Variants in CFAP100 observed in about 807,000 individuals in gnomAD.
The protein encoded by CFAP100 is cilia- and flagella-associated protein 100.
In CFAP100, 70 loss-of-function variants were observed where a neutral mutation model predicts 81.5. That is an observed-to-expected ratio of 0.86 (90% CI 0.71 to 1.05). The LOEUF (loss-of-function observed/expected upper bound fraction) is 1.05, where lower values mean the gene tolerates loss of function less well. Ranked by LOEUF, CFAP100 falls within the 50% of genes least tolerant of loss-of-function variation. The pLI, the probability that CFAP100 is intolerant of heterozygous loss-of-function variation, is 0.00. For synonymous variants in CFAP100, 341 were observed against 314.8 expected (o/e 1.08, Z -0.88); for missense variants, 811 against 776.5 (o/e 1.04, Z -0.53).
intron 1 of CFAP100, chr3:126,395,444 T>A (rs1381794396): frequency 1.3e-5 from 2 of 152,318 alleles, no homozygotes; most frequent in Admixed American, 1.3e-4. Context: ...GTCAGGAGCT[T>A]GGATGAGCAG....
At chr3:126,408,340 A>G (rs936156934) in intron 3 of CFAP100, among the ~76,000 whole-genome samples, 16 of 152,328 alleles carry the variant, frequency 1.1e-4, no homozygotes, top group African/African-American at 3.8e-4. Context: ...ACCCATGGTC[A>G]GACTGGCCCA....
Position 126,435,670 on chromosome 3 carries a change from G to A in CFAP100, c.1722+18G>A. 2.5e-6 allele frequency: 4 copies of A among 1,602,516 alleles called. No individual in the cohort carries two copies. The highest frequency in any genetic ancestry group is 3.4e-6 in the Non-Finnish European group (4 of 1,171,932). ...AGAAGAAGGTAGGCAGGGTCGCCTT[G>A]GGGGGTCTCTGCTGGAGGGGGTCCC... On this transcript the variant is annotated intron_variant, in intron 16 of 16. Coordinates refer to ENST00000352312, the MANE Select transcript of CFAP100 (RefSeq NM_182628.3).
Position 126,418,352 on chromosome 3 carries a change from C to T in CFAP100, c.419-106C>T, listed in dbSNP as rs1202216325. ...GTCCCGGTAGTCACCTGGGCGTGGA[C>T]GCAAAGCAGTGGCCAGCAGCCGGTG... On this transcript the variant is annotated intron_variant, in intron 5 of 16. Transcript: ENST00000352312. The T allele has an allele frequency of 2.0e-5, 19 of 960,844 alleles. 1 individual carries two copies. In the South Asian group the frequency reaches 2.0e-4, roughly 10 times the overall value. 59.5% of individuals were successfully genotyped at this position (960,844 alleles called of 1,614,324 possible). A position where few individuals can be genotyped will look rare whatever the true frequency, so the allele number is the denominator to read the frequency against.
chr3:126,414,097 A>AC lies in CFAP100; in HGVS notation c.146dup (p.Ser50PhefsTer23). Reference sequence around the variant, plus strand: ...TCTCCCTTTCCAGAACATGGTCCTGACCCTTCAGCGAACCCTTTCCACTTA... The same window carrying AC: ...TCTCCCTTTCCAGAACATGGTCCTGACCCCTTCAGCGAACCCTTTCCACTTA... On this transcript the variant is annotated frameshift_variant, in exon 4 of 17. Transcript: ENST00000352312. LOFTEE classifies it high-confidence loss of function. The AC allele has an allele frequency of 6.2e-7, 1 of 1,613,522 alleles. No homozygotes were observed. Among genetic ancestry groups the AC allele is most frequent in the African/African-American group, 1.3e-5 (1 of 74,934 alleles).
intron 14 of CFAP100, 84 bp downstream of exon 14, chr3:126,433,288 G>A: frequency 3.3e-6 from 5 of 1,518,012 alleles, no homozygotes; most frequent in East Asian, 4.5e-5. Flanking sequence ...ACAGCCCTTG[G>A]GAAGATGGAG....
At chr3:126,422,813 C>G (rs866793086) in intron 11 of CFAP100, among the ~76,000 whole-genome samples, 55 of 152,302 alleles carry the variant, frequency 3.6e-4, no homozygotes, top group African/African-American at 1.2e-3. Context: ...AAAGGTGGCA[C>G]TCAGTAAACA....
chr3:126,423,544 G>A lies in CFAP100; in HGVS notation c.1186G>A (p.Glu396Lys). 1.2e-6 allele frequency: 2 copies of A among 1,614,184 alleles called. No individual in the cohort carries two copies. The highest frequency in any genetic ancestry group is 2.2e-5 in the South Asian group (2 of 91,080). Reference protein sequence around the residue: ...EPQQLLDVFRELEEQNLSLIQ... With the variant: ...EPQQLLDVFRKLEEQNLSLIQ... The stretch of plus-strand genomic sequence containing the variant: ...CCAGCAGCTCCTGGATGTCTTCCGA[G>A]AGCTGGAGGAGCAGAACCTGTCGCT... The change falls in exon 13 of 17, where the codon GAG becomes AAG. Residue 396 changes from glutamate to lysine, a missense_variant. Physicochemically the swap from Glu to Lys is moderately conservative, Grantham distance 56. Transcript: ENST00000352312.
At chr3:126,418,358 G>C in intron 5 of CFAP100, 100 bp from the exon 6 acceptor site, 1 of 1,030,154 alleles carries the variant, frequency 9.7e-7, no homozygotes. Flanking sequence ...TGGACGCAAA[G>C]CAGTGGCCAG....
intron 13 of CFAP100, among the ~76,000 whole-genome samples, chr3:126,427,331 A>G (rs1932993831): frequency 6.6e-6 from 1 of 152,230 alleles, no homozygotes; most frequent in Non-Finnish European, 1.5e-5. Context: ...TAGAATAGAG[A>G]GCCTAGCAAT....
Position 126,419,795 on chromosome 3 carries a change from T to A in CFAP100, c.890T>A (p.Val297Asp), listed in dbSNP as rs781393676. The A allele has an allele frequency of 5.6e-6, 9 of 1,613,802 alleles. No individual in the cohort carries two copies. Among genetic ancestry groups the A allele is most frequent in the Non-Finnish European group, 7.6e-6 (9 of 1,180,052 alleles). Residue 297 changes from valine (V) to aspartate (D), a missense_variant, in exon 9 of 17, where the codon GTT becomes GAT. Physicochemically the swap from Val to Asp is radical, Grantham distance 152. Transcript: ENST00000352312. Reference protein sequence around the residue: ...EVSEASKESSVNSTPGDKGPG... With the variant: ...EVSEASKESSDNSTPGDKGPG... ...TCCGAGGCTTCCAAAGAGAGCAGTG[T>A]TAACTCCACACCAGGGGACAAAGGT... is the stretch of plus-strand genomic sequence containing the variant.
At chr3:126,435,528 C>T (rs1177367281) in intron 15 of CFAP100, 31 bp from the exon 16 acceptor site, 1 of 1,590,054 alleles carries the variant, frequency 6.3e-7, no homozygotes. Context: ...CCAGGTCCCC[C>T]CAGTTTTCAA....
At chr3:126,423,215 AGAG>A in intron 11 of CFAP100, 107 bp from the exon 12 acceptor site, 1 of 838,158 alleles carries the variant, frequency 1.2e-6, no homozygotes. Flanking sequence ...GGCAGCTGGG[AGAG>A]GAGGGATGGG....
intron 3 of CFAP100, among the ~76,000 whole-genome samples, chr3:126,410,623 C>G (rs1010566080): frequency 1.3e-5 from 2 of 152,138 alleles, no homozygotes; most frequent in Non-Finnish European, 2.9e-5. Flanking sequence ...CACTCAGCCT[C>G]CCAAAGTGCT....
chr3:126,418,253 T>C, intron 5 of CFAP100: 1 of 588,146 alleles, frequency 1.7e-6, no homozygotes, highest in South Asian at 2.0e-5. Context: ...ACTCTGGCCA[T>C]GGAGAATGTA....
intron 1 of CFAP100, among the ~76,000 whole-genome samples, chr3:126,395,634 T>C (rs1432482820): frequency 6.6e-6 from 1 of 152,074 alleles, no homozygotes; most frequent in Non-Finnish European, 1.5e-5. Flanking sequence ...GAGGTGACAT[T>C]TGAGCTCGGA....
At chr3:126,432,936 A>G in intron 13 of CFAP100, 133 bp from the exon 14 acceptor site, 1 of 904,838 alleles carries the variant, frequency 1.1e-6, no homozygotes, top group Non-Finnish European at 1.6e-6. Context: ...GCATGCAGAG[A>G]CTTGGCACCC....
Position 126,418,730 on chromosome 3 carries a change from G to C in CFAP100, c.606G>C (p.Glu202Asp). The part of the protein sequence containing the change: ...SLEKDAALFD[E>D]FVRENDCSSV... ...AGAAGGACGCCGCCTTGTTCGACGA[G>C]TTCGTCAGGGAGAATGACTGCAGCT... The change falls in exon 7 of 17, where the codon GAG (glutamate) becomes GAC (aspartate). Residue 202 changes from glutamate (E) to aspartate (D), a missense_variant. Coordinates refer to ENST00000352312, the MANE Select transcript of CFAP100 (RefSeq NM_182628.3). 1 of 1,597,230 alleles carries C rather than the reference G, an allele frequency of 6.3e-7. No individual in the cohort carries two copies. The highest frequency in any genetic ancestry group is 8.5e-7 in the Non-Finnish European group (1 of 1,172,456).
chr3:126,395,910 C>G, intron 1 of CFAP100, 32 bp from the exon 2 acceptor site: 1 of 1,127,460 alleles, frequency 8.9e-7, no homozygotes, highest in South Asian at 1.3e-5. Context: ...GGCTTGGGGA[C>G]CACCAGGCTC....
In CFAP100 at chr3:126,418,705, A is replaced by AGAAGGAC. The variant is rs1489065702; in HGVS notation, c.583_589dup (p.Ala197GlufsTer14). 4.4e-6 allele frequency: 7 copies of AGAAGGAC among 1,589,214 alleles called. No homozygotes were observed. The highest frequency in any genetic ancestry group is 6.0e-6 in the Non-Finnish European group (7 of 1,168,718). On this transcript the variant is annotated frameshift_variant, in exon 7 of 17. Coordinates refer to ENST00000352312, the MANE Select transcript of CFAP100 (RefSeq NM_182628.3). LOFTEE classifies it high-confidence loss of function. ...CTGGAGCGGGCCGAGAAATCCCTGG[A>AGAAGGAC]GAAGGACGCCGCCTTGTTCGACGAG...
Sources: allele counts gnomAD v4.1 joint callset (sites outside exome capture counted in the v4.1 genomes callset), GRCh38; gene constraint gnomAD v4.1.1; transcripts MANE v1.5; gene names NCBI Gene and HGNC (gene_info 2026-07-23, HGNC 2026-07-21).